The following NEBL variants were observed in gnomAD, a reference collection of about 807,000 sequenced individuals.
NEBL encodes LIM and SH3 protein 2.
NEBL carries 122 observed loss-of-function variants against 140.2 expected under a neutral mutation model. The ratio of observed to expected loss-of-function variants is 0.87; its 90% CI spans 0.75 to 1.01. The LOEUF (loss-of-function observed/expected upper bound fraction) is 1.01, where lower values mean the gene tolerates loss of function less well. Ranked by LOEUF, NEBL falls within the 50% of genes least tolerant of loss-of-function variation. The pLI is 0.00. For missense variants in NEBL, 1,365 were observed against 1,231.3 expected (o/e 1.11, Z -1.62); for synonymous variants, 436 against 398.9 (o/e 1.09, Z -1.11).
chr10:20,844,423 T>G (rs1841709522), intron 12 of NEBL, among the ~76,000 whole-genome samples: 1 of 150,746 alleles, frequency 6.6e-6, no homozygotes, highest in South Asian at 2.1e-4. Flanking sequence ...TATACTACAT[T>G]TATACTTAGG....
chr10:21,062,687 T>TA (rs555454449), intron 2 of NEBL, among the ~76,000 whole-genome samples: 25 of 144,472 alleles, frequency 1.7e-4, no homozygotes, highest in East Asian at 6.1e-4. Context: ...ATCCTGTCTC[T>TA]AAAAAAAAAA....
intron 4 of NEBL, among the ~76,000 whole-genome samples, chr10:20,913,561 T>A (rs760075186): frequency 1.3e-5 from 2 of 152,320 alleles, no homozygotes; most frequent in Middle Eastern, 3.4e-3. Flanking sequence ...TGAAAAAATG[T>A]TCAGTTTACT....
chr10:21,046,449 C>G (rs1244798088), intron 2 of NEBL, among the ~76,000 whole-genome samples: 1 of 152,190 alleles, frequency 6.6e-6, no homozygotes, highest in East Asian at 1.9e-4. Context: ...ATCAAAACAT[C>G]ATGCTAGACA....
intron 3 of NEBL, among the ~76,000 whole-genome samples, chr10:21,195,836 C>T (rs1250918319): frequency 2.6e-5 from 4 of 152,040 alleles, no homozygotes; most frequent in Non-Finnish European, 5.9e-5. Context: ...AATATTGGTG[C>T]TATTTGATAT....
intron 4 of NEBL, among the ~76,000 whole-genome samples, chr10:20,959,937 G>T (rs1835977742): frequency 6.6e-6 from 1 of 151,868 alleles, no homozygotes; most frequent in Non-Finnish European, 1.5e-5. Context: ...TGTGATAAGG[G>T]TATTTTGCAT....
chr10:21,274,060 G>A (rs1186646594), intron 1 of NEBL, among the ~76,000 whole-genome samples: 1 of 152,144 alleles, frequency 6.6e-6, no homozygotes, highest in Non-Finnish European at 1.5e-5. Flanking sequence ...TTACTTCCAT[G>A]AGTAGGTTAT....
intron 2 of NEBL, among the ~76,000 whole-genome samples, chr10:21,149,942 T>G (rs1840073173): frequency 6.6e-6 from 1 of 152,220 alleles, no homozygotes; most frequent in African/African-American, 2.4e-5. Context: ...AATTCTTCTG[T>G]GTTGATTGCT....
At chr10:21,108,876 T>C (rs1474508055) in intron 2 of NEBL, among the ~76,000 whole-genome samples, 2 of 152,184 alleles carry the variant, frequency 1.3e-5, no homozygotes, top group Non-Finnish European at 2.9e-5. Flanking sequence ...GATAATTAGC[T>C]CTTCTTGGTG....
Position 21,055,386 on chromosome 10 carries a change from T to C in NEBL, c.165-35185A>G, listed in dbSNP as rs561068830. Among the ~76,000 whole-genome samples the C allele has an allele frequency of 7.9e-5, 12 of 152,310 alleles. No homozygotes were observed. The East Asian group carries it at 1.9e-3, about 24-fold the overall frequency. ...TCACGCACCCCAAAGGAAATAGGTC[T>C]GGAGGCAGAGGGTCTGTGGCATCAA... is the stretch of plus-strand genomic sequence containing the variant. On this transcript the variant is annotated intron_variant, in intron 2 of 6. Coordinates refer to the NEBL transcript ENST00000417816.
chr10:20,876,461 A>G (rs1366585200), intron 5 of NEBL, among the ~76,000 whole-genome samples: 1 of 152,182 alleles, frequency 6.6e-6, no homozygotes, highest in East Asian at 1.9e-4. Context: ...ACAGAGAGCC[A>G]TAATTGTTTT....
intron 3 of NEBL, among the ~76,000 whole-genome samples, chr10:21,012,639 T>C (rs1260315503): frequency 3.9e-5 from 6 of 152,158 alleles, no homozygotes; most frequent in Non-Finnish European, 7.3e-5. Flanking sequence ...TACCAAAGCA[T>C]TGGGATTATA....
chr10:20,812,095 T>C (rs1342517153), intron 24 of NEBL, among the ~76,000 whole-genome samples: 3 of 152,190 alleles, frequency 2.0e-5, no homozygotes, highest in Non-Finnish European at 4.4e-5. Context: ...ATTACTATTA[T>C]GGAGTACCAT....
chr10:21,208,695 G>A (rs1841868915), intron 3 of NEBL, among the ~76,000 whole-genome samples: 1 of 152,104 alleles, frequency 6.6e-6, no homozygotes, highest in Non-Finnish European at 1.5e-5. Flanking sequence ...CCCTGTTCTT[G>A]CTGCAGGTGG....
At chr10:21,237,654 T>C (rs993382018) in intron 3 of NEBL, among the ~76,000 whole-genome samples, 1 of 151,918 alleles carries the variant, frequency 6.6e-6, no homozygotes, top group Non-Finnish European at 1.5e-5. Context: ...TCACCCAGGC[T>C]GGAGGGCAGT....
At chr10:20,998,958 T>C (rs1837776634) in intron 3 of NEBL, among the ~76,000 whole-genome samples, 1 of 152,204 alleles carries the variant, frequency 6.6e-6, no homozygotes, top group Non-Finnish European at 1.5e-5. Context: ...ATCCGCCATC[T>C]GGAACAAGTG....
chr10:20,930,758 T>C (rs2131532846), intron 4 of NEBL, among the ~76,000 whole-genome samples: 1 of 152,282 alleles, frequency 6.6e-6, no homozygotes, highest in Non-Finnish European at 1.5e-5. Flanking sequence ...AAATCTTCCT[T>C]ACAAATGATT....
chr10:20,915,417 C>T (rs1463989226), intron 4 of NEBL, among the ~76,000 whole-genome samples: 1 of 148,276 alleles, frequency 6.7e-6, no homozygotes, highest in Non-Finnish European at 1.5e-5. Flanking sequence ...CCCCCTACCC[C>T]ACAACAGTCC....
At chr10:21,158,033 C>T (rs577855320) in intron 2 of NEBL, among the ~76,000 whole-genome samples, 6 of 152,312 alleles carry the variant, frequency 3.9e-5, no homozygotes, top group Admixed American at 6.5e-5. Context: ...ACTTAGATTT[C>T]GGACTTTTAG....
intron 2 of NEBL, among the ~76,000 whole-genome samples, chr10:21,053,331 C>A (rs1160522140): frequency 2.0e-5 from 3 of 152,156 alleles, no homozygotes; most frequent in Non-Finnish European, 2.9e-5. Flanking sequence ...CCACTTCCCA[C>A]TCTTTTAAAA....
Sources: gnomAD v4.1 joint callset for allele counts (sites outside exome capture counted in the v4.1 genomes callset) on GRCh38, gnomAD v4.1.1 for gene constraint, MANE v1.5 for transcripts, NCBI Gene and HGNC (gene_info 2026-07-23, HGNC 2026-07-21) for gene names.